GNAZ: variants seen among roughly 807,000 people sequenced by gnomAD.
GNAZ encodes guanine nucleotide-binding protein G(z) subunit alpha.
In GNAZ, 3 loss-of-function variants were observed where a neutral mutation model predicts 25.4. That is an observed-to-expected ratio of 0.12 (90% CI 0.05 to 0.30). GNAZ has a LOEUF of 0.30. Among genes scored for constraint, GNAZ ranks in the 10% least tolerant of loss-of-function variants. GNAZ has a pLI of 1.00. For synonymous variants in GNAZ, 211 were observed against 205.7 expected (o/e 1.03, Z -0.22); for missense variants, 241 against 501.8 (o/e 0.48, Z 4.97).
intron 2 of GNAZ, among the ~76,000 whole-genome samples, chr22:23,115,631 G>A (rs890997872): frequency 7.2e-5 from 11 of 152,202 alleles, no homozygotes; most frequent in African/African-American, 2.7e-4. Flanking sequence ...TGATGCCTCG[G>A]TGACCCCTAA....
intron 2 of GNAZ, among the ~76,000 whole-genome samples, chr22:23,119,366 CCT>C (rs1213487847): frequency 6.6e-6 from 1 of 152,216 alleles, no homozygotes; most frequent in Non-Finnish European, 1.5e-5. Context: ...GGTTTGGCCT[CCT>C]CTCATCAACT....
chr22:23,092,109 G>A (rs1438873035), intron 1 of GNAZ, among the ~76,000 whole-genome samples: 1 of 137,664 alleles, frequency 7.3e-6, no homozygotes, highest in East Asian at 2.1e-4. Flanking sequence ...TCTGGGCCAG[G>A]GAACAATGTG....
In GNAZ at chr22:23,096,061, C is replaced by G. The variant is rs145202716; in HGVS notation, c.366C>G (p.Pro122=). 9 of 1,607,770 alleles carry G rather than the reference C, an allele frequency of 5.6e-6. No homozygotes were observed. Among genetic ancestry groups the G allele is most frequent in the Non-Finnish European group, 7.6e-6 (9 of 1,179,948 alleles). Residue 122 remains proline (P), a synonymous_variant, in exon 2 of 3, where the codon CCC becomes CCG. Transcript: ENST00000615612. The part of the protein sequence containing the change: ...GPAESKGEIT[P]ELLGVMRRLW... ...CTGAGAGCAAGGGCGAGATCACACC[C>G]GAGCTGCTGGGTGTCATGCGACGGC...
intron 1 of GNAZ, among the ~76,000 whole-genome samples, chr22:23,088,486 C>T (rs770249131): frequency 1.3e-5 from 2 of 152,310 alleles, no homozygotes; most frequent in African/African-American, 4.8e-5. Context: ...GGATAAAAGG[C>T]GTCTCAGCAA....
At chr22:23,114,476 A>G (rs2069760577) in intron 2 of GNAZ, among the ~76,000 whole-genome samples, 1 of 151,112 alleles carries the variant, frequency 6.6e-6, no homozygotes, top group Non-Finnish European at 1.5e-5. Context: ...CCTTCCCCTC[A>G]GCCCCCAGAG....
intron 1 of GNAZ, among the ~76,000 whole-genome samples, chr22:23,090,372 C>T (rs986848249): frequency 2.6e-5 from 4 of 152,176 alleles, no homozygotes; most frequent in African/African-American, 9.7e-5. Context: ...TCACTGCATC[C>T]ACTTCCCCCA....
At position 23,095,934 on chromosome 22, in the gene GNAZ, C is replaced by T. The variant is rs1331938640; in HGVS notation, c.239C>T (p.Ser80Leu). The T allele has an allele frequency of 1.9e-6, 3 of 1,613,118 alleles. No individual in the cohort carries two copies. Among genetic ancestry groups the T allele is most frequent in the Non-Finnish European group, 2.5e-6 (3 of 1,180,030 alleles). Residue 80 changes from serine (S) to leucine (L), a missense_variant, in exon 2 of 3, where the codon TCG becomes TTG. Coordinates refer to ENST00000615612, the MANE Select transcript of GNAZ (RefSeq NM_002073.4). ...KPLIIYNAIDSLTRIIRALAA... is the reference protein window; with the variant it reads ...KPLIIYNAIDLLTRIIRALAA... ...CTCATCATCTACAATGCCATCGACTCGCTGACCCGCATCATCCGGGCCCTG... is the reference window on the plus strand; with the variant it reads ...CTCATCATCTACAATGCCATCGACTTGCTGACCCGCATCATCCGGGCCCTG...
At chr22:23,105,113 G>T (rs932965725) in intron 2 of GNAZ, among the ~76,000 whole-genome samples, 3 of 152,174 alleles carry the variant, frequency 2.0e-5, no homozygotes, top group Non-Finnish European at 4.4e-5. Flanking sequence ...AGAGTCGACT[G>T]GGGGCCCTGG....
Position 23,123,279 on chromosome 22 carries a change from C to A in GNAZ, c.916C>A (p.Arg306=), listed in dbSNP as rs1267826319. Residue 306 remains arginine, a synonymous_variant, in exon 3 of 3, where the codon CGG becomes AGG. Coordinates refer to ENST00000615612, the MANE Select transcript of GNAZ (RefSeq NM_002073.4). The part of the protein sequence containing the change: ...TYEEAAVYIQ[R]QFEDLNRNKE... ...CGAGGAGGCCGCTGTCTACATCCAG[C>A]GGCAGTTTGAAGACCTGAACCGCAA... 1 of 1,613,954 alleles carries A rather than the reference C, an allele frequency of 6.2e-7. No homozygotes were observed. The highest frequency in any genetic ancestry group is 8.5e-7 in the Non-Finnish European group (1 of 1,179,964).
chr22:23,081,353 A>G (rs925179437), intron 1 of GNAZ, among the ~76,000 whole-genome samples: 4 of 152,206 alleles, frequency 2.6e-5, no homozygotes, highest in Admixed American at 6.5e-5. Flanking sequence ...TGACAGATAT[A>G]TGAATGTATG....
At chr22:23,089,509 G>T (rs990881316) in intron 1 of GNAZ, among the ~76,000 whole-genome samples, 2 of 152,148 alleles carry the variant, frequency 1.3e-5, no homozygotes, top group African/African-American at 4.8e-5. Context: ...GTGGTTCCTA[G>T]AGTGGAGGGC....
intron 2 of GNAZ, 78 bp downstream of exon 2, chr22:23,096,496 A>G: frequency 7.0e-7 from 1 of 1,426,310 alleles, no homozygotes; most frequent in South Asian, 1.3e-5. Flanking sequence ...CGTGAGGTCC[A>G]GGACAGTCTG....
At position 23,096,244 on chromosome 22, in the gene GNAZ, G is replaced by T. The variant is rs114515939; in HGVS notation, c.549G>T (p.Thr183=). ...TCCTGCGCTCCCGGGACATGACCAC[G>T]GGCATTGTGGAGAACAAGTTCACCT... The part of the protein sequence containing the change: ...EDILRSRDMT[T]GIVENKFTFK... The change falls in exon 2 of 3, where the codon ACG becomes ACT. Residue 183 remains threonine (T), a synonymous_variant. Transcript: ENST00000615612. 3.5e-4 allele frequency: 566 copies of T among 1,613,964 alleles called. 2 individuals are homozygous for T. In the Middle Eastern group the frequency reaches 3.6e-3, roughly 10 times the overall value.
intron 2 of GNAZ, among the ~76,000 whole-genome samples, chr22:23,107,140 G>C (rs2069506679): frequency 6.6e-6 from 1 of 152,224 alleles, no homozygotes; most frequent in African/African-American, 2.4e-5. Flanking sequence ...GAGGTGCCAG[G>C]CTTAGCTGGT....
intron 1 of GNAZ, among the ~76,000 whole-genome samples, chr22:23,094,362 TG>T (rs995408215): frequency 1.3e-5 from 2 of 151,900 alleles, no homozygotes; most frequent in Non-Finnish European, 2.9e-5. Flanking sequence ...CATCCTAGGG[TG>T]TGCCCCTCCC....
intron 2 of GNAZ, among the ~76,000 whole-genome samples, chr22:23,097,908 G>A (rs984428870): frequency 2.4e-4 from 36 of 152,252 alleles, no homozygotes; most frequent in African/African-American, 7.2e-4. Flanking sequence ...CAAATTCCCC[G>A]GGCACCAGGC....
chr22:23,116,793 G>T (rs908646574), intron 2 of GNAZ, among the ~76,000 whole-genome samples: 4 of 152,172 alleles, frequency 2.6e-5, no homozygotes, highest in African/African-American at 9.7e-5. Flanking sequence ...AAGGAGTGGG[G>T]TGTGGGGAGG....
At position 23,104,453 on chromosome 22, in the gene GNAZ, A is replaced by G. The variant is rs186796360; in HGVS notation, c.723+8035A>G. Reference sequence around the variant, plus strand: ...GAGCTTCAGGGCAGAGCTGCTTCCCACCCCACATCCCCTCAACCTGCATCG... The same window carrying G: ...GAGCTTCAGGGCAGAGCTGCTTCCCGCCCCACATCCCCTCAACCTGCATCG... On this transcript the variant is annotated intron_variant, in intron 2 of 2. Coordinates refer to ENST00000615612, the MANE Select transcript of GNAZ (RefSeq NM_002073.4). Among the ~76,000 whole-genome samples, 21 of 151,940 alleles carry G rather than the reference A, an allele frequency of 1.4e-4. No individual in the cohort carries two copies. In the South Asian group the frequency reaches 1.7e-3, roughly 12 times the overall value.
At chr22:23,097,483 G>A (rs2069160100) in intron 2 of GNAZ, among the ~76,000 whole-genome samples, 1 of 152,200 alleles carries the variant, frequency 6.6e-6, no homozygotes, top group Admixed American at 6.5e-5. Flanking sequence ...CTGGGGAGGC[G>A]GGCTTGCCTC....
Sources: allele counts gnomAD v4.1 joint callset (sites outside exome capture counted in the v4.1 genomes callset), GRCh38; gene constraint gnomAD v4.1.1; transcripts MANE v1.5; gene names NCBI Gene and HGNC (gene_info 2026-07-23, HGNC 2026-07-21).